NOL11: variants seen among roughly 807,000 people sequenced by gnomAD.
NOL11 encodes nucleolar protein 11.
In NOL11, 42 loss-of-function variants were observed where a neutral mutation model predicts 93.0. That is an observed-to-expected ratio of 0.45 (90% CI 0.35 to 0.58). The LOEUF (loss-of-function observed/expected upper bound fraction) is 0.58, where lower values mean the gene tolerates loss of function less well. Ranked by LOEUF, NOL11 falls within the 20% of genes least tolerant of loss-of-function variation. The pLI, the probability that NOL11 is intolerant of heterozygous loss-of-function variation, is 0.00. For synonymous variants in NOL11, 296 were observed against 293.7 expected (o/e 1.01, Z -0.08); for missense variants, 775 against 841.8 (o/e 0.92, Z 0.98).
intron 7 of NOL11, 55 bp from the exon 8 acceptor site, chr17:67,734,308 A>T: frequency 4.0e-6 from 4 of 998,218 alleles, no homozygotes; most frequent in Non-Finnish European, 4.7e-6. Context: ...CCTTCCCCAA[A>T]ATATCATATA....
Position 67,722,641 on chromosome 17 carries a change from A to C in NOL11, c.519+4A>C. 3.2e-6 allele frequency: 5 copies of C among 1,568,418 alleles called. No homozygotes were observed. The African/African-American group carries it at 4.2e-5, about 13-fold the overall frequency. On this transcript the variant is annotated splice_donor_region_variant and intron_variant, in intron 5 of 17. Transcript: ENST00000253247. ...TTTAATTTTTATTACTGAAAAAGTA[A>C]GTGATATCTTCAATTCCTGGCCCAT...
chr17:67,726,881 C>G (rs1289811494), intron 7 of NOL11: 1 of 357,258 alleles, frequency 2.8e-6, no homozygotes, highest in East Asian at 4.8e-5. Context: ...ATAACTATGT[C>G]ATAAAGAAAT....
chr17:67,739,458 A>G lies in NOL11; in HGVS notation c.1843-58A>G. ...TTTTTTCAATCTTCGTGATGGGTTT[A>G]TATAATAGAAATTTTTTCTATCAAA... On this transcript the variant is annotated intron_variant, in intron 15 of 17. Transcript: ENST00000253247. 6.7e-6 allele frequency: 7 copies of G among 1,044,000 alleles called. No individual in the cohort carries two copies. The South Asian group carries it at 1.0e-4, about 15-fold the overall frequency. The allele number at this position is 1,044,000 out of a possible 1,614,324, so 64.7% of individuals were successfully genotyped here.
intron 6 of NOL11, 103 bp from the exon 7 acceptor site, chr17:67,726,356 GT>G (rs1453005495): frequency 7.0e-5 from 64 of 914,480 alleles, no homozygotes; most frequent in Non-Finnish European, 9.3e-5. Context: ...CTGGTTGGCT[GT>G]TTTATCAAAT....
In NOL11 at chr17:67,719,797, A is replaced by T. The variant is rs769182204; in HGVS notation, c.255+10A>T. The T allele has an allele frequency of 2.6e-6, 4 of 1,551,734 alleles. No homozygotes were observed. The highest frequency in any genetic ancestry group is 4.5e-5 in the East Asian group (2 of 44,098). ...TGTACACGATAATAAGGTGAGTTTT[A>T]AAACTTTTGTATAATATATACAATA... is the stretch of plus-strand genomic sequence containing the variant. On this transcript the variant is annotated intron_variant, in intron 2 of 17. Coordinates refer to ENST00000253247, the MANE Select transcript of NOL11 (RefSeq NM_015462.5).
At chr17:67,718,550 ACTTT>A (rs1171662909) in intron 1 of NOL11, among the ~76,000 whole-genome samples, 2 of 152,026 alleles carry the variant, frequency 1.3e-5, no homozygotes, top group African/African-American at 4.8e-5. Flanking sequence ...AGAGTGAGGG[ACTTT>A]CTTGATAGCT....
intron 7 of NOL11, among the ~76,000 whole-genome samples, chr17:67,728,107 A>C (rs2055116159): frequency 1.3e-5 from 2 of 151,744 alleles, no homozygotes; most frequent in East Asian, 1.9e-4. Flanking sequence ...AAAAATACAA[A>C]AAATTAGCCG....
chr17:67,742,356 G>A (rs1208075559), intron 16 of NOL11, among the ~76,000 whole-genome samples: 5 of 152,032 alleles, frequency 3.3e-5, no homozygotes, highest in African/African-American at 1.2e-4. Context: ...CTGCCTAGTC[G>A]GGTTCTTTGT....
At chr17:67,724,493 C>G (rs768535834) in intron 6 of NOL11, among the ~76,000 whole-genome samples, 3 of 152,124 alleles carry the variant, frequency 2.0e-5, no homozygotes, top group Non-Finnish European at 2.9e-5. Flanking sequence ...ACCCCCACAT[C>G]TGGCTCATTT....
rs2055280731 is a variant in NOL11 at position 67,744,153 on chromosome 17, CAT to C, written c.*295_*296del. On this transcript the variant is annotated 3_prime_UTR_variant, in exon 18 of 18. Coordinates refer to ENST00000253247, the MANE Select transcript of NOL11 (RefSeq NM_015462.5). ...TATTGATAAAAGTCTAATTTCTTAT[CAT>C]GTGTTTTGAATTTTTTCTTTTAATA... 1 of 167,964 alleles carries C rather than the reference CAT, an allele frequency of 6.0e-6. No homozygotes were observed. Among genetic ancestry groups the C allele is most frequent in the Non-Finnish European group, 1.3e-5 (1 of 78,922 alleles). The allele number at this position is 167,964 out of a possible 1,614,324, so 10.4% of individuals were successfully genotyped here. A position where few individuals can be genotyped will look rare whatever the true frequency, so the allele number is the denominator to read the frequency against.
intron 1 of NOL11, 97 bp downstream of exon 1, chr17:67,718,185 C>A: frequency 6.6e-7 from 1 of 1,519,606 alleles, no homozygotes; most frequent in Non-Finnish European, 9.0e-7. Flanking sequence ...AGAAAGAGAT[C>A]GTGGAGAAGG....
At chr17:67,726,419 G>A (rs774729065) in intron 6 of NOL11, 41 bp from the exon 7 acceptor site, 2 of 1,534,414 alleles carry the variant, frequency 1.3e-6, no homozygotes, top group Admixed American at 2.0e-5. Context: ...AGATATAGAA[G>A]TATCCTTCAA....
chr17:67,724,332 CTTTTTTT>C, intron 6 of NOL11, 139 bp downstream of exon 6: 9 of 250,264 alleles, frequency 3.6e-5, no homozygotes, highest in South Asian at 1.8e-4. Flanking sequence ...CATGCCTTCA[CTTTTTTT>C]TTTTTTTTTT....
intron 8 of NOL11, 27 bp from the exon 9 acceptor site, chr17:67,735,873 T>G: frequency 6.3e-7 from 1 of 1,595,398 alleles, no homozygotes; most frequent in Non-Finnish European, 8.5e-7. Context: ...AAAAATTTGC[T>G]TATGTTTTTG....
At chr17:67,737,431 G>A in intron 11 of NOL11, 77 bp from the exon 12 acceptor site, 1 of 1,197,338 alleles carries the variant, frequency 8.4e-7, no homozygotes, top group East Asian at 2.3e-5. Context: ...TTGAGAAAAT[G>A]TTGTGCTAGG....
intron 7 of NOL11, among the ~76,000 whole-genome samples, chr17:67,733,196 C>G (rs1393783529): frequency 2.0e-5 from 3 of 151,760 alleles, no homozygotes; most frequent in African/African-American, 7.3e-5. Flanking sequence ...AAACCCCTGT[C>G]TCTACTAAAA....
rs1296833410 is a variant in NOL11, at chr17:67,737,556, C to T, written c.1267C>T (p.Leu423=). The change falls in exon 12 of 18, where the codon CTG becomes TTG. Residue 423 remains leucine, a synonymous_variant. Coordinates refer to ENST00000253247, the MANE Select transcript of NOL11 (RefSeq NM_015462.5). ...IEVEVRKFLA[L]KQTPDFHTVI... ...AGTAGAAGTACGGAAATTTTTGGCT[C>T]TGAAGCAGACACCTGACTTTCATAC... The T allele has an allele frequency of 1.2e-6, 2 of 1,611,604 alleles. No homozygotes were observed. The highest frequency in any genetic ancestry group is 1.7e-6 in the Non-Finnish European group (2 of 1,179,432).
intron 4 of NOL11, 134 bp from the exon 5 acceptor site, chr17:67,722,446 C>T: frequency 7.4e-7 from 1 of 1,360,296 alleles, no homozygotes; most frequent in Non-Finnish European, 9.7e-7. Context: ...TCAAAACGCC[C>T]AATTAAGTGT....
intron 7 of NOL11, among the ~76,000 whole-genome samples, chr17:67,730,123 A>G (rs1200297292): frequency 1.3e-5 from 2 of 152,060 alleles, no homozygotes; most frequent in African/African-American, 2.4e-5. Flanking sequence ...ATTCCATTGT[A>G]TATATATAAC....
Sources: gnomAD v4.1 joint callset for allele counts (sites outside exome capture counted in the v4.1 genomes callset) on GRCh38, gnomAD v4.1.1 for gene constraint, MANE v1.5 for transcripts, NCBI Gene and HGNC (gene_info 2026-07-23, HGNC 2026-07-21) for gene names.